Variants in ZMAT4 observed in about 807,000 individuals in gnomAD.
The protein encoded by ZMAT4 is zinc finger matrin-type 4, also known as zinc finger matrin-type protein 4.
A neutral mutation model predicts 28.7 loss-of-function variants in ZMAT4; 17 were observed. The observed-to-expected ratio is 0.59, with a 90% CI of 0.41 to 0.89. ZMAT4 has a LOEUF of 0.89. Ranked by LOEUF, ZMAT4 falls within the 40% of genes least tolerant of loss-of-function variation. The pLI is 0.00. For synonymous variants in ZMAT4, 117 were observed against 109.2 expected, an observed-to-expected ratio of 1.07 and a Z score of -0.44; for missense variants, 240 against 283.8, an observed-to-expected ratio of 0.85 and a Z score of 1.11.
At chr8:40,778,244 A>G (rs1813688041) in intron 2 of ZMAT4, among the ~76,000 whole-genome samples, 1 of 152,230 alleles carries the variant, frequency 6.6e-6, no homozygotes, top group Admixed American at 6.5e-5. Context: ...ATGTGACTTT[A>G]TTTTTGAAGA....
At chr8:40,751,863 G>A (rs141514912) in intron 3 of ZMAT4, among the ~76,000 whole-genome samples, 338 of 152,110 alleles carry the variant, frequency 2.2e-3, no homozygotes, top group African/African-American at 7.8e-3. Context: ...AAAGAATAGG[G>A]CAGTATTATG....
At chr8:40,741,350 G>A (rs111554704) in intron 3 of ZMAT4, among the ~76,000 whole-genome samples, 86 of 151,940 alleles carry the variant, frequency 5.7e-4, no homozygotes, top group Non-Finnish European at 1.0e-3. Flanking sequence ...GGGAGGCTGA[G>A]GTAGGAGAAT....
At chr8:40,806,586 C>T (rs1244158174) in intron 2 of ZMAT4, among the ~76,000 whole-genome samples, 4 of 152,092 alleles carry the variant, frequency 2.6e-5, no homozygotes, top group Admixed American at 2.0e-4. Flanking sequence ...ACAGGCAGTT[C>T]TTTATATTAT....
intron 3 of ZMAT4, among the ~76,000 whole-genome samples, chr8:40,763,479 G>A (rs369492450): frequency 1.6e-4 from 25 of 152,248 alleles, no homozygotes; most frequent in South Asian, 8.3e-4. Flanking sequence ...TTTAGAACAC[G>A]TGTGGAAAGT....
intron 6 of ZMAT4, among the ~76,000 whole-genome samples, chr8:40,537,326 A>G (rs1441206584): frequency 6.6e-6 from 1 of 152,240 alleles, no homozygotes; most frequent in African/African-American, 2.4e-5. Context: ...CTTCTTGAAA[A>G]AAACAAATCA....
chr8:40,595,070 A>G (rs991449040), intron 5 of ZMAT4, among the ~76,000 whole-genome samples: 1 of 152,222 alleles, frequency 6.6e-6, no homozygotes, highest in African/African-American at 2.4e-5. Flanking sequence ...ACCAGATAAA[A>G]AGAAAAAGCA....
intron 3 of ZMAT4, among the ~76,000 whole-genome samples, chr8:40,713,946 GAAAAAGAA>G (rs1296117610): frequency 7.7e-6 from 1 of 129,368 alleles, no homozygotes; most frequent in Non-Finnish European, 1.7e-5. Flanking sequence ...AAAAGAAAAA[GAAAAAGAA>G]AAAAAGAAAA....
At chr8:40,858,913 C>T (rs1483315595) in intron 1 of ZMAT4, among the ~76,000 whole-genome samples, 1 of 152,166 alleles carries the variant, frequency 6.6e-6, no homozygotes, top group Non-Finnish European at 1.5e-5. Flanking sequence ...GCAGAACAGC[C>T]ATGTTTACGA....
intron 5 of ZMAT4, among the ~76,000 whole-genome samples, chr8:40,636,366 A>G (rs1243456940): frequency 2.6e-5 from 4 of 152,196 alleles, no homozygotes; most frequent in African/African-American, 9.6e-5. Context: ...CATCTCTGAC[A>G]TTGAGCCAAA....
At chr8:40,563,964 T>A (rs1803833457) in intron 6 of ZMAT4, among the ~76,000 whole-genome samples, 1 of 152,118 alleles carries the variant, frequency 6.6e-6, no homozygotes. Context: ...TTCCACCCAG[T>A]GGCTGAGGAA....
chr8:40,772,898 A>G (rs1813440351), intron 2 of ZMAT4, among the ~76,000 whole-genome samples: 1 of 152,162 alleles, frequency 6.6e-6, no homozygotes, highest in Non-Finnish European at 1.5e-5. Context: ...AAACATCTAG[A>G]ACACGGGTTC....
chr8:40,847,221 A>C (rs1362829356), intron 1 of ZMAT4, among the ~76,000 whole-genome samples: 70 of 151,478 alleles, frequency 4.6e-4, no homozygotes, highest in African/African-American at 1.3e-3. Context: ...AAACAAACAA[A>C]AAAAAAAAAC....
intron 1 of ZMAT4, among the ~76,000 whole-genome samples, chr8:40,843,005 G>C (rs1446004821): frequency 6.6e-6 from 1 of 152,100 alleles, no homozygotes; most frequent in African/African-American, 2.4e-5. Context: ...TCGAACTCCA[G>C]ACCTCAGGTG....
At chr8:40,720,350 T>C (rs566549692) in intron 3 of ZMAT4, among the ~76,000 whole-genome samples, 2 of 152,212 alleles carry the variant, frequency 1.3e-5, no homozygotes, top group East Asian at 3.9e-4. Flanking sequence ...GGACTCTTTA[T>C]TGTGGCTCTG....
At chr8:40,753,993 G>A (rs1405869451) in intron 3 of ZMAT4, among the ~76,000 whole-genome samples, 2 of 152,084 alleles carry the variant, frequency 1.3e-5, no homozygotes, top group Non-Finnish European at 2.9e-5. Flanking sequence ...CCAACATGGT[G>A]AAACTCCATC....
intron 3 of ZMAT4, among the ~76,000 whole-genome samples, chr8:40,764,264 G>A (rs1281537647): frequency 1.3e-5 from 2 of 151,662 alleles, no homozygotes; most frequent in East Asian, 3.9e-4. Context: ...CTTCCAGGGG[G>A]AAAAAAAATG....
intron 5 of ZMAT4, among the ~76,000 whole-genome samples, chr8:40,611,787 G>C (rs1038921249): frequency 1.3e-5 from 2 of 152,044 alleles, no homozygotes; most frequent in Non-Finnish European, 2.9e-5. Context: ...AAGGGAGATC[G>C]GTAAAAATGA....
chr8:40,720,442 G>C (rs571893376), intron 3 of ZMAT4, among the ~76,000 whole-genome samples: 35 of 151,988 alleles, frequency 2.3e-4, no homozygotes, highest in Non-Finnish European at 4.7e-4. Flanking sequence ...CTGACTTACA[G>C]GACAAGGCAG....
intron 6 of ZMAT4, among the ~76,000 whole-genome samples, chr8:40,571,723 C>T (rs1242315698): frequency 1.3e-5 from 2 of 152,142 alleles, no homozygotes; most frequent in Non-Finnish European, 1.5e-5. Context: ...TTCCAGATTT[C>T]ACCCTTTATT....
Sources: allele counts gnomAD v4.1 joint callset (sites outside exome capture counted in the v4.1 genomes callset), GRCh38; gene constraint gnomAD v4.1.1; transcripts MANE v1.5; gene names NCBI Gene and HGNC (gene_info 2026-07-23, HGNC 2026-07-21).